The following MAPK6 variants were observed in gnomAD, a reference collection of about 807,000 sequenced individuals.
MAPK6 encodes mitogen-activated protein kinase 6, also known as ERK-3.
In MAPK6, 19 loss-of-function variants were observed where a neutral mutation model predicts 59.3. The observed-to-expected ratio is 0.32, with a 90% CI of 0.22 to 0.47. The LOEUF (loss-of-function observed/expected upper bound fraction) is 0.47. Ranked by LOEUF, MAPK6 falls within the 20% of genes least tolerant of loss-of-function variation. The probability of loss-of-function intolerance (pLI) is 1.00; values close to 1 mark genes in which losing one functional copy is unlikely to be tolerated. For synonymous variants in MAPK6, 316 were observed against 290.3 expected, an observed-to-expected ratio of 1.09 and a Z score of -0.90; for missense variants, 724 against 847.9, an observed-to-expected ratio of 0.85 and a Z score of 1.81.
At chr15:52,000,823 T>C (rs1163651253) in intron 2 of MAPK6, among the ~76,000 whole-genome samples, 1 of 151,978 alleles carries the variant, frequency 6.6e-6, no homozygotes, top group Non-Finnish European at 1.5e-5. Flanking sequence ...ATTCAATAGC[T>C]TTAGGGGTAC....
intron 3 of MAPK6, among the ~76,000 whole-genome samples, chr15:52,053,139 C>G (rs1361602957): frequency 7.5e-6 from 1 of 133,862 alleles, no homozygotes; most frequent in Non-Finnish European, 1.5e-5. Context: ...GTGGTGTGAT[C>G]TTGGCTCACT....
intron 1 of MAPK6, among the ~76,000 whole-genome samples, chr15:52,027,171 G>C (rs1265543105): frequency 6.6e-6 from 1 of 151,802 alleles, no homozygotes; most frequent in Non-Finnish European, 1.5e-5. Flanking sequence ...GGCCAGCGTG[G>C]TGAAACCCCA....
chr15:52,039,748 C>G (rs749834016), intron 1 of MAPK6, among the ~76,000 whole-genome samples: 1 of 151,962 alleles, frequency 6.6e-6, no homozygotes, highest in African/African-American at 2.4e-5. Flanking sequence ...AACTCCTGGC[C>G]TCAGGTGTTC....
At chr15:51,974,503 A>T (rs1316256043) in intron 1 of MAPK6, among the ~76,000 whole-genome samples, 1 of 150,276 alleles carries the variant, frequency 6.7e-6, no homozygotes, top group Admixed American at 6.6e-5. Context: ...AAATATTTAA[A>T]AAAAAGTTAG....
chr15:52,031,017 C>G (rs2031009648), intron 1 of MAPK6, among the ~76,000 whole-genome samples: 2 of 152,010 alleles, frequency 1.3e-5, no homozygotes, highest in South Asian at 4.1e-4. Context: ...TGGTCTTAAA[C>G]TCTTGACCTC....
At position 52,049,973 on chromosome 15, in the gene MAPK6, G is replaced by A. The variant is rs2031724779; in HGVS notation, c.556-20G>A. 2 of 1,600,550 alleles carry A rather than the reference G, an allele frequency of 1.2e-6. No homozygotes were observed. The highest frequency in any genetic ancestry group is 2.2e-5 in the East Asian group (1 of 44,754). ...TCTTCAGCTAAAGTAAAAAAAGTATGTTTTTTGTTTCTTTTATAGGGTCAT... is the reference window on the plus strand; with the variant it reads ...TCTTCAGCTAAAGTAAAAAAAGTATATTTTTTGTTTCTTTTATAGGGTCAT... On this transcript the variant is annotated intron_variant, in intron 2 of 5. Transcript: ENST00000261845.
intron 1 of MAPK6, among the ~76,000 whole-genome samples, chr15:52,024,271 G>A (rs2141855294): frequency 6.6e-6 from 1 of 152,276 alleles, no homozygotes; most frequent in Non-Finnish European, 1.5e-5. Context: ...TAAGATCTTG[G>A]TACTGAAAGT....
chr15:52,057,432 C>T (rs2032025741), intron 3 of MAPK6, among the ~76,000 whole-genome samples: 1 of 152,176 alleles, frequency 6.6e-6, no homozygotes, highest in African/African-American at 2.4e-5. Context: ...TTTGACATAC[C>T]AACCTGCCTC....
chr15:52,043,742 A>ATTTTTTTTTTTTTTTTTTTTTTTTT, intron 1 of MAPK6, among the ~76,000 whole-genome samples: 1 of 40,630 alleles, frequency 2.5e-5, no homozygotes, highest in Non-Finnish European at 4.4e-5. Context: ...AAGTTGTTTG[A>ATTTTTTTTTTTTTTTTTTTTTTTTT]TTTTTTTTTT....
At chr15:51,997,830 G>A (rs979706829) in intron 2 of MAPK6, among the ~76,000 whole-genome samples, 28 of 151,912 alleles carry the variant, frequency 1.8e-4, no homozygotes, top group Non-Finnish European at 4.0e-4. Context: ...GACCTCTGGC[G>A]ATCCACCCAC....
intron 2 of MAPK6, among the ~76,000 whole-genome samples, chr15:51,992,512 G>C (rs1182829241): frequency 1.3e-5 from 2 of 151,512 alleles, no homozygotes; most frequent in Non-Finnish European, 2.9e-5. Context: ...CACCATGTTA[G>C]CCAGGATGGT....
At chr15:52,016,064 GCGCGCGCACACACA>G (rs1440643536), upstream of MAPK6, among the ~76,000 whole-genome samples, 3 of 54,992 alleles carry the variant, frequency 5.5e-5, no homozygotes, top group East Asian at 4.5e-4. Context: ...GCGCGCGCGC[GCGCGCGCACACACA>G]CACACACACA....
In MAPK6 at chr15:52,046,627, C is replaced by T. The variant is rs2031600484; in HGVS notation, c.167C>T (p.Pro56Leu). 6.2e-7 allele frequency: 1 copy of T among 1,614,068 alleles called. No individual in the cohort carries two copies. ...ATCAAGAAAATTGTCCTTACTGATC[C>T]CCAGAGTGTCAAACATGCTCTACGT... ...VAIKKIVLTD[P>L]QSVKHALREI... Residue 56 changes from proline (P) to leucine (L), a missense_variant, in exon 2 of 6, where the codon CCC becomes CTC. By Grantham distance (98) the Pro-to-Leu change is moderately conservative (BLOSUM62 -3). This residue lies in a region of MAPK6 where 87 missense variants were observed against 93.0 expected (regional missense o/e 0.93). Transcript: ENST00000261845.
chr15:52,042,539 T>G (rs905846378), intron 1 of MAPK6, among the ~76,000 whole-genome samples: 7 of 150,736 alleles, frequency 4.6e-5, no homozygotes, highest in African/African-American at 1.7e-4. Flanking sequence ...CAATAAAATT[T>G]AAGGGGGGCA....
intron 1 of MAPK6, chr15:52,019,795 C>T (rs1426117322): frequency 6.6e-6 from 1 of 152,176 alleles, no homozygotes; most frequent in East Asian, 1.9e-4. Context: ...CCGGACCGGA[C>T]CGGAGGGCGG....
At chr15:52,054,081 T>C (rs759856932) in intron 3 of MAPK6, among the ~76,000 whole-genome samples, 14 of 151,246 alleles carry the variant, frequency 9.3e-5, no homozygotes, top group Non-Finnish European at 1.6e-4. Flanking sequence ...ATAGGATTCT[T>C]ATACAGCTGG....
intron 2 of MAPK6, among the ~76,000 whole-genome samples, chr15:51,986,417 G>C (rs1443543582): frequency 6.6e-6 from 1 of 152,046 alleles, no homozygotes; most frequent in Non-Finnish European, 1.5e-5. Context: ...AGTTGCACAA[G>C]AAAATGTCTG....
intron 2 of MAPK6, among the ~76,000 whole-genome samples, chr15:51,998,708 T>TTTTTTTTTTTTTTTTTTG (rs71130113): frequency 8.2e-6 from 1 of 122,492 alleles, no homozygotes; most frequent in African/African-American, 3.0e-5. Flanking sequence ...TTTTTTTTTT[T>TTTTTTTTTTTTTTTTTTG]GAGACGGAGT....
chr15:52,016,070 G>GCGCGCGCGCGCACACGCA, upstream of MAPK6, among the ~76,000 whole-genome samples: 1 of 55,392 alleles, frequency 1.8e-5, no homozygotes, highest in Non-Finnish European at 3.4e-5. Context: ...GCGCGCGCGC[G>GCGCGCGCGCGCACACGCA]CACACACACA....
Sources: gnomAD v4.1 joint callset for allele counts (sites outside exome capture counted in the v4.1 genomes callset) on GRCh38, gnomAD v4.1.1 for gene constraint, gnomAD v4.1.1 regional missense constraint, MANE v1.5 for transcripts, NCBI Gene and HGNC (gene_info 2026-07-23, HGNC 2026-07-21) for gene names.